DIPK2A: variants seen among roughly 807,000 people sequenced by gnomAD.
DIPK2A encodes divergent protein kinase domain 2A.
Under a neutral mutation model 39.0 loss-of-function variants are expected in DIPK2A, and 27 were observed. The observed-to-expected ratio is 0.69, with a 90% CI of 0.51 to 0.96. DIPK2A has a LOEUF of 0.96. Among genes scored for constraint, DIPK2A ranks in the 40% least tolerant of loss-of-function variants. The pLI is 0.00. For missense variants in DIPK2A, 528 were observed against 571.3 expected, an observed-to-expected ratio of 0.92 and a Z score of 0.77; for synonymous variants, 298 against 240.8, an observed-to-expected ratio of 1.24 and a Z score of -2.20.
At position 143,989,630 on chromosome 3, in the gene DIPK2A, A is replaced by G. The variant is rs1559858008; in HGVS notation, c.1082A>G (p.Tyr361Cys). Residue 361 changes from tyrosine to cysteine, a missense_variant, in exon 3 of 3, where the codon TAT (tyrosine) becomes TGT (cysteine). Transcript: ENST00000315691. ...CGTGCCACTGTGGACCACAATTACT[A>G]TGCTGTTTGTCAGAACCTCTTATCC... ...CARATVDHNY[Y>C]AVCQNLLSRH... 1.2e-6 allele frequency: 2 copies of G among 1,614,214 alleles called. No individual in the cohort carries two copies. Among genetic ancestry groups the G allele is most frequent in the Non-Finnish European group, 1.7e-6 (2 of 1,180,032 alleles).
intron 1 of DIPK2A, among the ~76,000 whole-genome samples, chr3:143,977,385 C>T (rs1368382038): frequency 2.0e-5 from 3 of 151,938 alleles, no homozygotes; most frequent in Non-Finnish European, 2.9e-5. Flanking sequence ...TAATTAAGCT[C>T]TTCTGAAAGG....
intron 2 of DIPK2A, among the ~76,000 whole-genome samples, 184 bp from the exon 3 acceptor site, chr3:143,989,326 T>C (rs934002222): frequency 1.3e-5 from 2 of 152,236 alleles, no homozygotes; most frequent in Non-Finnish European, 2.9e-5. Context: ...TCTTTCTGCC[T>C]AGCGTTAGTG....
Position 143,972,860 on chromosome 3 carries a change from C to T in DIPK2A, c.528C>T (p.Leu176=), listed in dbSNP as rs372947695. The part of the protein sequence containing the change: ...DLVHCPSQRL[L]DRLVRRYAET... ...TGCACTGCCCCTCGCAGCGCCTTCT[C>T]GACCGCCTGGTGCGCCGCTACGCGG... The change falls in exon 1 of 3, where the codon CTC becomes CTT. Residue 176 remains leucine, a synonymous_variant. Coordinates refer to ENST00000315691, the MANE Select transcript of DIPK2A (RefSeq NM_173552.5). 75 of 1,571,454 alleles carry T rather than the reference C, an allele frequency of 4.8e-5. No individual in the cohort carries two copies. In the African/African-American group the frequency reaches 8.3e-4, roughly 17 times the overall value.
intron 1 of DIPK2A, among the ~76,000 whole-genome samples, chr3:143,982,802 G>C (rs1248060837): frequency 6.6e-6 from 1 of 151,964 alleles, no homozygotes; most frequent in Non-Finnish European, 1.5e-5. Context: ...ACACAGACTG[G>C]CAAATTGGAT....
chr3:143,972,635 G>A lies in DIPK2A; in HGVS notation c.303G>A (p.Glu101=). The A allele has an allele frequency of 6.2e-7, 1 of 1,611,382 alleles. No homozygotes were observed. Among genetic ancestry groups the A allele is most frequent in the East Asian group, 2.2e-5 (1 of 44,826 alleles). Residue 101 remains glutamate (E), a synonymous_variant, in exon 1 of 3, where the codon GAG becomes GAA. Transcript: ENST00000315691. ...VYFAQYGEPR[E]GGRRRVVLKR... is the part of the protein sequence containing the mutation. ...TCGCGCAGTACGGCGAGCCCCGCGA[G>A]GGCGGCCGCCGCCGAGTGGTGCTCA...
In DIPK2A at chr3:143,971,994, G is replaced by C. The variant is rs2087652568; in HGVS notation, c.-339G>C. 7.3e-6 allele frequency: 2 copies of C among 274,742 alleles called. No individual in the cohort carries two copies. Among genetic ancestry groups the C allele is most frequent in the Admixed American group, 1.1e-4 (2 of 18,810 alleles). 17.0% of individuals were successfully genotyped at this position (274,742 alleles called of 1,614,324 possible). A position where few individuals can be genotyped will look rare whatever the true frequency, so the allele number is the denominator to read the frequency against. On this transcript the variant is annotated 5_prime_UTR_variant, in exon 1 of 3. Transcript: ENST00000315691. ...CAGCAGTGCGCGTGCGCGCGGGCAC[G>C]GGCGCGCGACCGTCGGGTCCCCGCG...
chr3:143,985,962 T>G (rs1467054865), intron 2 of DIPK2A, 116 bp downstream of exon 2: 3 of 770,718 alleles, frequency 3.9e-6, no homozygotes, highest in Non-Finnish European at 6.1e-6. Flanking sequence ...TTAAGCGTCT[T>G]TCTTTGCTTT....
intron 1 of DIPK2A, among the ~76,000 whole-genome samples, chr3:143,983,884 G>A (rs892617188): frequency 6.8e-6 from 1 of 146,096 alleles, no homozygotes; most frequent in Non-Finnish European, 1.5e-5. Flanking sequence ...TCTACATTTT[G>A]TATTGGGAAG....
At chr3:143,973,190 C>T (rs2087683566) in intron 1 of DIPK2A, 3 of 1,002,642 alleles carry the variant, frequency 3.0e-6, no homozygotes, top group Non-Finnish European at 4.5e-6. Context: ...GATGGAGAGT[C>T]TGCTCTTGTT....
chr3:143,978,651 TATATATATCTATATATAG>T (rs1559854227), intron 1 of DIPK2A: 21 of 42,050 alleles, frequency 5.0e-4, no homozygotes, highest in African/African-American at 3.2e-3. Flanking sequence ...TATATATATA[TATATATATCTATATATAG>T]ATATATATAT....
chr3:143,981,360 G>T (rs2087826732), intron 1 of DIPK2A, among the ~76,000 whole-genome samples: 1 of 152,088 alleles, frequency 6.6e-6, no homozygotes, highest in Non-Finnish European at 1.5e-5. Context: ...TCTGGTCCTT[G>T]CTTCACTCTC....
intron 1 of DIPK2A, among the ~76,000 whole-genome samples, chr3:143,981,835 A>C (rs1240064039): frequency 6.6e-6 from 1 of 152,174 alleles, no homozygotes; most frequent in African/African-American, 2.4e-5. Context: ...GCTTGGCCTA[A>C]ATTTGCTTCT....
At chr3:143,977,605 C>T (rs2087749306) in intron 1 of DIPK2A, among the ~76,000 whole-genome samples, 1 of 152,100 alleles carries the variant, frequency 6.6e-6, no homozygotes, top group African/African-American at 2.4e-5. Flanking sequence ...AAGGAACCAC[C>T]TACTTCTCCT....
chr3:143,975,945 G>GT (rs2087722536), intron 1 of DIPK2A, among the ~76,000 whole-genome samples: 2 of 152,118 alleles, frequency 1.3e-5, no homozygotes, highest in Non-Finnish European at 2.9e-5. Flanking sequence ...TTGATAAGGT[G>GT]TTTAAGAACT....
rs1442209653 is a variant in DIPK2A at position 143,992,022 on chromosome 3, T to C, written c.*2181T>C. On this transcript the variant is annotated 3_prime_UTR_variant, in exon 3 of 3. Coordinates refer to ENST00000315691, the MANE Select transcript of DIPK2A (RefSeq NM_173552.5). ...AATTATGTGAAATTTATTTTATCTT[T>C]GGGAAAAGTTGAGAAGATAGTAAAA... 1 of 152,580 alleles carries C rather than the reference T, an allele frequency of 6.6e-6. No individual in the cohort carries two copies. The highest frequency in any genetic ancestry group is 2.4e-5 in the African/African-American group (1 of 41,432). 9.5% of individuals were successfully genotyped at this position (152,580 alleles called of 1,614,324 possible).
At chr3:143,988,850 G>T (rs1413452236) in intron 2 of DIPK2A, among the ~76,000 whole-genome samples, 2 of 152,168 alleles carry the variant, frequency 1.3e-5, no homozygotes, top group East Asian at 1.9e-4. Flanking sequence ...CTCCAATCTA[G>T]CTTTTCATTC....
rs1446434787 is a variant in DIPK2A, at chr3:143,982,908, C to CA, written c.658-2634dup. Reference sequence around the variant, plus strand: ...CCAAGCAAATGGAAAGCAAAAAAAACACAAAAAAAACAAAAGGGGTTGCAA... The same window carrying CA: ...CCAAGCAAATGGAAAGCAAAAAAAACAACAAAAAAAACAAAAGGGGTTGCAA... On this transcript the variant is annotated intron_variant, in intron 1 of 2. Transcript: ENST00000315691. 5.6e-4 allele frequency among the ~76,000 whole-genome samples: 84 copies of CA among 150,608 alleles called. No individual in the cohort carries two copies. In the South Asian group the frequency reaches 0.011, roughly 20 times the overall value.
chr3:143,983,876 T>C (rs1231178605), intron 1 of DIPK2A, among the ~76,000 whole-genome samples: 4 of 152,210 alleles, frequency 2.6e-5, no homozygotes, highest in African/African-American at 9.7e-5. Flanking sequence ...CTGTTTCATC[T>C]ACATTTTGTA....
chr3:143,976,492 C>T (rs2087730041), intron 1 of DIPK2A, among the ~76,000 whole-genome samples: 2 of 149,230 alleles, frequency 1.3e-5, no homozygotes, highest in Non-Finnish European at 3.0e-5. Flanking sequence ...AATTTTCCAT[C>T]GTATTTGTAT....
Sources: gnomAD v4.1 joint callset for allele counts (sites outside exome capture counted in the v4.1 genomes callset) on GRCh38, gnomAD v4.1.1 for gene constraint, MANE v1.5 for transcripts, NCBI Gene and HGNC (gene_info 2026-07-23, HGNC 2026-07-21) for gene names.